The following ZNF236 variants were observed in gnomAD, a reference collection of about 807,000 sequenced individuals.
ZNF236 encodes the protein regulated by glucose.
A neutral mutation model predicts 191.2 loss-of-function variants in ZNF236; 50 were observed. That is an observed-to-expected ratio of 0.26 (90% CI 0.21 to 0.33). ZNF236 has a LOEUF of 0.33. Among genes scored for constraint, ZNF236 ranks in the 10% least tolerant of loss-of-function variants. The pLI is 1.00. For synonymous variants in ZNF236, 907 were observed against 928.8 expected, an observed-to-expected ratio of 0.98 and a Z score of 0.43; for missense variants, 1,754 against 2,374.5, an observed-to-expected ratio of 0.74 and a Z score of 5.43.
At chr18:76,874,081 T>C (rs1599353580) in intron 5 of ZNF236, among the ~76,000 whole-genome samples, 2 of 138,538 alleles carry the variant, frequency 1.4e-5, no homozygotes, top group African/African-American at 5.5e-5. Flanking sequence ...ACACTCTCAC[T>C]GTGCCTCCTG....
In ZNF236 at chr18:76,868,872, C is replaced by A; in HGVS notation, c.542+9C>A. On this transcript the variant is annotated intron_variant, in intron 4 of 30. Coordinates refer to ENST00000320610, the MANE Select transcript of ZNF236 (RefSeq NM_001306089.2). The stretch of plus-strand genomic sequence containing the variant: ...ACTCATTACAAAATTAGGTATGAGT[C>A]ATTACATGGGCTTGGTCAAAAATCC... 1.9e-6 allele frequency: 3 copies of A among 1,582,368 alleles called. No individual in the cohort carries two copies. In the South Asian group the frequency reaches 3.4e-5, roughly 18 times the overall value.
At position 76,925,114 on chromosome 18, in the gene ZNF236, T is replaced by G; in HGVS notation, c.3662-75T>G. Reference sequence around the variant, plus strand: ...TGATTCAACATATTTACATCCATAGTGACAGCTGAGTGGGGTGGGGGTGAG... The same window carrying G: ...TGATTCAACATATTTACATCCATAGGGACAGCTGAGTGGGGTGGGGGTGAG... On this transcript the variant is annotated intron_variant, in intron 21 of 30. Transcript: ENST00000320610. The surrounding 1 kb of genome is among the most constrained non-coding windows in gnomAD (Gnocchi z 5.7). 6.4e-7 allele frequency: 1 copy of G among 1,552,626 alleles called. No individual in the cohort carries two copies. Among genetic ancestry groups the G allele is most frequent in the Non-Finnish European group, 8.7e-7 (1 of 1,151,044 alleles).
At chr18:76,834,777 G>A in intron 1 of ZNF236, 1 of 459,770 alleles carries the variant, frequency 2.2e-6, no homozygotes, top group South Asian at 1.7e-5. Flanking sequence ...TTGTCTCTTA[G>A]CTCTTTGGAA....
chr18:76,837,437 C>CTTTT (rs71760598), intron 1 of ZNF236, among the ~76,000 whole-genome samples: 18 of 105,872 alleles, frequency 1.7e-4, no homozygotes, highest in Non-Finnish European at 2.8e-4. Context: ...TTTTCTTTTT[C>CTTTT]TTTTTTTTTT....
At chr18:76,855,513 T>A (rs1299543019) in intron 3 of ZNF236, among the ~76,000 whole-genome samples, 1 of 152,220 alleles carries the variant, frequency 6.6e-6, no homozygotes, top group East Asian at 1.9e-4. Context: ...TAACTATGTG[T>A]CTTAAGTGTA....
intron 10 of ZNF236, among the ~76,000 whole-genome samples, chr18:76,898,391 A>T (rs1977496467): frequency 6.6e-6 from 1 of 152,202 alleles, no homozygotes; most frequent in African/African-American, 2.4e-5. Context: ...TGGGCTGACA[A>T]TGTGGATGAG....
At chr18:76,910,267 A>G (rs1967182928) in intron 15 of ZNF236, 98 bp downstream of exon 15, 1 of 1,037,728 alleles carries the variant, frequency 9.6e-7, no homozygotes, top group Non-Finnish European at 1.4e-6. Context: ...AGGCCCTTCT[A>G]AAGTGTATGG....
chr18:76,960,232 A>C lies in ZNF236; in HGVS notation c.5242+416A>C, dbSNP rs549914437. 6.6e-6 allele frequency among the ~76,000 whole-genome samples: 1 copy of C among 152,248 alleles called. No homozygotes were observed. The highest frequency in any genetic ancestry group is 3.4e-3 in the Middle Eastern group (1 of 294). Reference sequence around the variant, plus strand: ...TCTGCTGGCTTTTCCTACACCACCTAAATCTGCTCAAACCTTTTGTCTTAG... The same window carrying C: ...TCTGCTGGCTTTTCCTACACCACCTCAATCTGCTCAAACCTTTTGTCTTAG... On this transcript the variant is annotated intron_variant, in intron 29 of 30. Coordinates refer to ENST00000320610, the MANE Select transcript of ZNF236 (RefSeq NM_001306089.2). This position sits in a 1 kb window ranked among gnomAD's most constrained non-coding sequence, Gnocchi z 4.4.
chr18:76,838,328 A>G (rs948196557), intron 1 of ZNF236, among the ~76,000 whole-genome samples: 1 of 152,240 alleles, frequency 6.6e-6, no homozygotes. Flanking sequence ...AGTAAACATT[A>G]GAGCTTTTTA....
intron 3 of ZNF236, among the ~76,000 whole-genome samples, chr18:76,856,469 C>T (rs1271653006): frequency 6.6e-6 from 1 of 152,188 alleles, no homozygotes; most frequent in Non-Finnish European, 1.5e-5. Context: ...AGGCATGAGC[C>T]GCTGCACCTG....
intron 5 of ZNF236, among the ~76,000 whole-genome samples, chr18:76,874,010 G>A (rs913957115): frequency 2.1e-5 from 3 of 140,728 alleles, no homozygotes; most frequent in East Asian, 2.1e-4. Flanking sequence ...CACACTCACC[G>A]TGCCTCCTGC....
intron 1 of ZNF236, chr18:76,834,789 G>T: frequency 2.1e-6 from 1 of 466,730 alleles, no homozygotes; most frequent in Non-Finnish European, 4.2e-6. Flanking sequence ...TCTTTGGAAA[G>T]AAGGGAAGAC....
chr18:76,860,710 G>A (rs1012484945), intron 3 of ZNF236, among the ~76,000 whole-genome samples: 1 of 152,206 alleles, frequency 6.6e-6, no homozygotes, highest in Non-Finnish European at 1.5e-5. Context: ...GTCTCTTGCT[G>A]TTGTGGTTGT....
At chr18:76,874,481 G>A (rs941595477) in intron 5 of ZNF236, among the ~76,000 whole-genome samples, 1 of 152,208 alleles carries the variant, frequency 6.6e-6, no homozygotes, top group East Asian at 1.9e-4. Flanking sequence ...TCTAGGTGCT[G>A]AAGAGCCGCA....
intron 25 of ZNF236, chr18:76,936,275 AAATG>A (rs1967995999): frequency 2.2e-6 from 1 of 455,150 alleles, no homozygotes; most frequent in East Asian, 7.0e-5. Context: ...TACATGTTTC[AAATG>A]AATGGATGGC....
intron 6 of ZNF236, among the ~76,000 whole-genome samples, chr18:76,876,403 C>T (rs796905365): frequency 4.8e-4 from 73 of 152,286 alleles, no homozygotes; most frequent in African/African-American, 1.7e-3. Context: ...ATGTGTATCT[C>T]TTAATTTTTT....
chr18:76,866,682 G>C (rs918971932), intron 3 of ZNF236, among the ~76,000 whole-genome samples: 3 of 152,182 alleles, frequency 2.0e-5, no homozygotes, highest in Admixed American at 2.0e-4. Flanking sequence ...GACAGCCTCT[G>C]CCTCTAGGTG....
chr18:76,895,343 T>A, intron 10 of ZNF236, 58 bp downstream of exon 10: 2 of 1,582,392 alleles, frequency 1.3e-6, no homozygotes, highest in Admixed American at 3.4e-5. Flanking sequence ...CACACATTAC[T>A]GCGCACATAT....
At position 76,875,454 on chromosome 18, in the gene ZNF236, T is replaced by C. The variant is rs115912858; in HGVS notation, c.668-38T>C. 5.5e-4 allele frequency: 804 copies of C among 1,449,018 alleles called. 3 individuals are homozygous for C. In the African/African-American group the frequency reaches 0.01, roughly 18 times the overall value. 89.8% of individuals were successfully genotyped at this position (1,449,018 alleles called of 1,614,324 possible). The stretch of plus-strand genomic sequence containing the variant: ...TTCAATCCGTAAGATGCCCATACAA[T>C]ATGGAATTATATTTTGATCATTTTT... On this transcript the variant is annotated intron_variant, in intron 5 of 30. Coordinates refer to ENST00000320610, the MANE Select transcript of ZNF236 (RefSeq NM_001306089.2). The surrounding 1 kb of genome is among the most constrained non-coding windows in gnomAD (Gnocchi z 4.3).
Sources: gnomAD v4.1 joint callset for allele counts (sites outside exome capture counted in the v4.1 genomes callset) on GRCh38, gnomAD v4.1.1 for gene constraint, Gnocchi (gnomAD v3.1) non-coding constraint, MANE v1.5 for transcripts, NCBI Gene and HGNC (gene_info 2026-07-23, HGNC 2026-07-21) for gene names.